Variants in BRWD3 observed in about 807,000 individuals in gnomAD.
BRWD3 encodes bromodomain and WD repeat-containing protein 3.
Under a neutral mutation model 149.7 loss-of-function variants are expected in BRWD3, and 10 were observed. The ratio of observed to expected loss-of-function variants is 0.07; its 90% CI spans 0.04 to 0.11. BRWD3 has a LOEUF of 0.11. Among genes scored for constraint, BRWD3 ranks in the 10% least tolerant of loss-of-function variants. BRWD3 has a pLI of 1.00. For missense variants in BRWD3, 940 were observed against 1,373.2 expected, an observed-to-expected ratio of 0.68 and a Z score of 4.99; for synonymous variants, 504 against 456.7, an observed-to-expected ratio of 1.10 and a Z score of -1.32.
At chrX:80,745,516 C>T in intron 7 of BRWD3, 53 bp downstream of exon 7, 4 of 1,117,312 alleles carry the variant, frequency 3.6e-6, no homozygotes, top group Non-Finnish European at 4.9e-6. Context: ...TGCAGTCTGG[C>T]TTCAATTGTT....
chrX:80,747,947 A>C (rs1385255892), intron 6 of BRWD3, among the ~76,000 whole-genome samples: 2 of 110,990 alleles, frequency 1.8e-5, no homozygotes, highest in Non-Finnish European at 3.8e-5. Context: ...TGTTTCTTTC[A>C]TTTTCTGGCC....
Position 80,676,729 on chromosome X carries a change from A to G in BRWD3, c.5289T>C (p.Ser1763=). ...CAGTGGACACAAAATTGTCATTATCAGAATCATCATTATATAAAACAGTCC... is the reference window on the plus strand; with the variant it reads ...CAGTGGACACAAAATTGTCATTATCGGAATCATCATTATATAAAACAGTCC... The part of the protein sequence containing the change: ...GRRTVLYNDD[S]DNDNFVSTED... The change falls in exon 41 of 41, where the codon TCT becomes TCC. Residue 1763 remains serine (S), a synonymous_variant. Coordinates refer to ENST00000373275, the MANE Select transcript of BRWD3 (RefSeq NM_153252.5). The G allele has an allele frequency of 1.7e-6, 2 of 1,211,472 alleles. No homozygotes were observed. Among genetic ancestry groups the G allele is most frequent in the Non-Finnish European group, 2.2e-6 (2 of 895,408 alleles).
At chrX:80,795,689 T>C (rs1197021048) in intron 4 of BRWD3, among the ~76,000 whole-genome samples, 2 of 109,234 alleles carry the variant, frequency 1.8e-5, no homozygotes, top group African/African-American at 6.7e-5. Flanking sequence ...GAGACCAGCC[T>C]GGGCAACATA....
chrX:80,784,452 A>G (rs971087354), intron 6 of BRWD3, among the ~76,000 whole-genome samples: 1 of 111,463 alleles, frequency 9.0e-6, no homozygotes, highest in African/African-American at 3.3e-5. Flanking sequence ...ATAGGTAAAT[A>G]TGTACCATGG....
Position 80,674,341 on chromosome X carries a change from T to TC in BRWD3, c.*2267dup, listed in dbSNP as rs1569241836. 1 of 111,442 alleles carries TC rather than the reference T, an allele frequency of 9.0e-6. No individual in the cohort carries two copies. Among genetic ancestry groups the TC allele is most frequent in the Non-Finnish European group, 1.9e-5 (1 of 52,945 alleles). The allele number at this position is 111,442 out of a possible 1,213,427, so 9.2% of individuals were successfully genotyped here. On this transcript the variant is annotated 3_prime_UTR_variant, in exon 41 of 41. Coordinates refer to ENST00000373275, the MANE Select transcript of BRWD3 (RefSeq NM_153252.5). The stretch of plus-strand genomic sequence containing the variant: ...TTTCAAAATAAATTATAAATAAAGC[T>TC]CCAGATAGCCAAAATCACACAAATG...
intron 38 of BRWD3, 68 bp downstream of exon 38, chrX:80,682,397 T>G (rs1014364497): frequency 2.7e-6 from 3 of 1,130,275 alleles, no homozygotes; most frequent in African/African-American, 3.6e-5. Context: ...ATTCATAAAC[T>G]TTCACAAATT....
chrX:80,785,656 A>G (rs2074100756), intron 6 of BRWD3, among the ~76,000 whole-genome samples: 1 of 112,587 alleles, frequency 8.9e-6, no homozygotes, highest in African/African-American at 3.2e-5. Flanking sequence ...AAGAACTGGC[A>G]CAATTCAATC....
rs2072366898 is a variant in BRWD3, at chrX:80,676,357, ATGTGTGTGTATGTGTT to A, written c.*236_*251del. On this transcript the variant is annotated 3_prime_UTR_variant, in exon 41 of 41. Coordinates refer to ENST00000373275, the MANE Select transcript of BRWD3 (RefSeq NM_153252.5). ...CGTGTGTGTGTGTCTGTGTGTGTGT[ATGTGTGTGTATGTGTT>A]TGTGTGTGTGTGGGCAGAATTTCTT... 2 of 392,669 alleles carry A rather than the reference ATGTGTGTGTATGTGTT, an allele frequency of 5.1e-6. No individual in the cohort carries two copies. Among genetic ancestry groups the A allele is most frequent in the Admixed American group, 8.7e-5 (2 of 23,042 alleles). The allele number at this position is 392,669 out of a possible 1,213,427, so 32.4% of individuals were successfully genotyped here. A position where few individuals can be genotyped will look rare whatever the true frequency, so the allele number is the denominator to read the frequency against.
intron 27 of BRWD3, among the ~76,000 whole-genome samples, chrX:80,694,433 G>T (rs150870745): frequency 3.0e-3 from 337 of 111,384 alleles, no homozygotes; most frequent in Non-Finnish European, 5.7e-3. Context: ...TGTGAGAAGA[G>T]AGTCACCGTC....
At chrX:80,743,499 G>A (rs1465481654) in intron 8 of BRWD3, among the ~76,000 whole-genome samples, 1 of 111,713 alleles carries the variant, frequency 9.0e-6, no homozygotes, top group Non-Finnish European at 1.9e-5. Context: ...ACCTCTGGTA[G>A]AATTCGGCTG....
intron 6 of BRWD3, among the ~76,000 whole-genome samples, chrX:80,750,023 A>C (rs1170021431): frequency 1.8e-5 from 2 of 112,056 alleles, no homozygotes; most frequent in Admixed American, 1.9e-4. Flanking sequence ...TGGTGCTGGG[A>C]AACTGGATAT....
chrX:80,685,404 T>G (rs2072507327), intron 36 of BRWD3, 58 bp downstream of exon 36: 5 of 983,741 alleles, frequency 5.1e-6, no homozygotes, highest in Admixed American at 4.5e-5. Flanking sequence ...ATGTACAGTA[T>G]GGAGAGTTTA....
Position 80,676,388 on chromosome X carries a change from C to A in BRWD3, c.*221G>T, listed in dbSNP as rs1602293052. 2 of 434,592 alleles carry A rather than the reference C, an allele frequency of 4.6e-6. No homozygotes were observed. Among genetic ancestry groups the A allele is most frequent in the Non-Finnish European group, 7.9e-6 (2 of 253,058 alleles). The allele number at this position is 434,592 out of a possible 1,213,427, so 35.8% of individuals were successfully genotyped here. A position where few individuals can be genotyped will look rare whatever the true frequency, so the allele number is the denominator to read the frequency against. ...GTGTATGTGTTTGTGTGTGTGTGGG[C>A]AGAATTTCTTTTAATTTAAGGCCTA... On this transcript the variant is annotated 3_prime_UTR_variant, in exon 41 of 41. Coordinates refer to ENST00000373275, the MANE Select transcript of BRWD3 (RefSeq NM_153252.5).
chrX:80,759,230 A>C (rs1330763745), intron 6 of BRWD3, among the ~76,000 whole-genome samples: 1 of 112,191 alleles, frequency 8.9e-6, no homozygotes, highest in Non-Finnish European at 1.9e-5. Flanking sequence ...TATCTTCTGA[A>C]AGTGCACAAA....
Position 80,769,123 on chromosome X carries a change from A to G in BRWD3, c.430+22731T>C, listed in dbSNP as rs773099854. Among the ~76,000 whole-genome samples, 8 of 111,038 alleles carry G rather than the reference A, an allele frequency of 7.2e-5. No homozygotes were observed. The East Asian group carries it at 1.7e-3, about 24-fold the overall frequency. On this transcript the variant is annotated intron_variant, in intron 6 of 40. Transcript: ENST00000373275. ...CTTAGAGACCTACAAAGAGACTTACACTCCCATGCAATAAGAATGGCAGAC... is the reference window on the plus strand; with the variant it reads ...CTTAGAGACCTACAAAGAGACTTACGCTCCCATGCAATAAGAATGGCAGAC...
At chrX:80,769,847 C>A (rs2073913984) in intron 6 of BRWD3, among the ~76,000 whole-genome samples, 1 of 109,351 alleles carries the variant, frequency 9.1e-6, no homozygotes, top group Non-Finnish European at 1.9e-5. Flanking sequence ...ACCGATAGAC[C>A]ACTAGTAAGA....
intron 6 of BRWD3, among the ~76,000 whole-genome samples, chrX:80,757,531 T>C (rs752832222): frequency 1.2e-4 from 13 of 112,436 alleles, no homozygotes; most frequent in Non-Finnish European, 2.4e-4. Flanking sequence ...AAAACAATTC[T>C]TTAGCAATGT....
Position 80,676,667 on chromosome X carries a change from C to CT in BRWD3, c.5350dup (p.Arg1784LysfsTer4). 8.3e-7 allele frequency: 1 copy of CT among 1,210,484 alleles called. No homozygotes were observed. The highest frequency in any genetic ancestry group is 1.1e-6 in the Non-Finnish European group (1 of 894,746). ...GGCTTTTTCTGTCATTTTACGCACT[C>CT]TGCCTGATCTGGATGTACCAAGATT... is the stretch of plus-strand genomic sequence containing the variant. On this transcript the variant is annotated frameshift_variant, in exon 41 of 41. Transcript: ENST00000373275. LOFTEE classifies it high-confidence loss of function.
At chrX:80,750,519 C>T (rs2073651528) in intron 6 of BRWD3, among the ~76,000 whole-genome samples, 1 of 111,035 alleles carries the variant, frequency 9.0e-6, no homozygotes, top group Non-Finnish European at 1.9e-5. Context: ...ATTAAAGGAA[C>T]AATGATATAT....
Sources: allele counts gnomAD v4.1 joint callset (sites outside exome capture counted in the v4.1 genomes callset), GRCh38; gene constraint gnomAD v4.1.1; transcripts MANE v1.5; gene names NCBI Gene and HGNC (gene_info 2026-07-23, HGNC 2026-07-21).